The following RUNX3 variants were observed in gnomAD, a reference collection of about 807,000 sequenced individuals.
RUNX3 encodes RUNX family transcription factor 3, also known as runt-related transcription factor 3.
A neutral mutation model predicts 27.7 loss-of-function variants in RUNX3; 10 were observed. That is an observed-to-expected ratio of 0.36 (90% confidence interval 0.22 to 0.61). The LOEUF is 0.61. RUNX3 is among the 20% of genes least tolerant of loss of function. The pLI is 0.72. For missense variants in RUNX3, 469 were observed against 629.5 expected (o/e 0.75, Z 2.73); for synonymous variants, 270 against 269.2 (o/e 1.00, Z -0.03).
intron 2 of RUNX3, among the ~76,000 whole-genome samples, chr1:24,944,554 G>A (rs540107127): frequency 6.6e-6 from 1 of 152,330 alleles, no homozygotes; most frequent in South Asian, 2.1e-4. Flanking sequence ...AAGACTTTCA[G>A]ATGGGAGATT....
intron 4 of RUNX3, 98 bp downstream of exon 4, chr1:24,907,161 T>G: frequency 3.9e-6 from 5 of 1,281,748 alleles, no homozygotes; most frequent in East Asian, 2.5e-5. Context: ...GTGCAGTGAC[T>G]GATCTTCGGA....
chr1:24,929,991 C>T lies in RUNX3; in HGVS notation c.-123G>A. The T allele has an allele frequency of 8.6e-7, 1 of 1,162,914 alleles. No individual in the cohort carries two copies. The highest frequency in any genetic ancestry group is 1.1e-6 in the Non-Finnish European group (1 of 945,388). 72.0% of individuals were successfully genotyped at this position (1,162,914 alleles called of 1,614,324 possible). ...GCGGGAAAGCAGAAGCGGCGGGGCC[C>T]GGGCCTCAGGGCGCAGGGGGCGGCG... is the stretch of plus-strand genomic sequence containing the variant. On this transcript the variant is annotated 5_prime_UTR_variant, in exon 1 of 5. Coordinates refer to ENST00000308873, the MANE Select transcript of RUNX3 (RefSeq NM_004350.3).
chr1:24,916,114 TC>T lies in RUNX3; in HGVS notation c.544+3125del, dbSNP rs1640884178. ...GATCTACAGATTCCCAGTCCTTGGC[TC>T]CCAGGACCAGCCCCTACTCCCACTT... is the stretch of plus-strand genomic sequence containing the variant. On this transcript the variant is annotated intron_variant, in intron 3 of 4. Transcript: ENST00000308873. The surrounding 1 kb of genome is among the most constrained non-coding windows in gnomAD (Gnocchi z 4.8). Among the ~76,000 whole-genome samples, 1 of 151,950 alleles carries T rather than the reference TC, an allele frequency of 6.6e-6. No homozygotes were observed. The highest frequency in any genetic ancestry group is 1.9e-4 in the East Asian group (1 of 5,192).
chr1:24,956,580 CT>C (rs1397798225), intron 2 of RUNX3, among the ~76,000 whole-genome samples: 3 of 152,176 alleles, frequency 2.0e-5, no homozygotes, highest in South Asian at 2.1e-4. Flanking sequence ...TCCACCCCCC[CT>C]GGACCTAGCA....
chr1:24,937,642 T>C (rs1389709296), intron 2 of RUNX3, among the ~76,000 whole-genome samples: 4 of 152,248 alleles, frequency 2.6e-5, no homozygotes, highest in Non-Finnish European at 5.9e-5. Context: ...TTCTGCATTA[T>C]TTCATCTTCA....
chr1:24,936,031 T>C (rs1389344794), intron 2 of RUNX3, among the ~76,000 whole-genome samples: 1 of 152,210 alleles, frequency 6.6e-6, no homozygotes, highest in Admixed American at 6.5e-5. Context: ...AGCAGGTGCG[T>C]GCAGAGCTAC....
At chr1:24,950,998 G>C (rs543931235) in intron 2 of RUNX3, among the ~76,000 whole-genome samples, 11 of 152,222 alleles carry the variant, frequency 7.2e-5, no homozygotes, top group African/African-American at 2.6e-4. Flanking sequence ...ACGAGGTCAG[G>C]AGATTGAGAC....
intron 3 of RUNX3, among the ~76,000 whole-genome samples, chr1:24,915,292 C>T (rs768326273): frequency 4.6e-5 from 7 of 152,140 alleles, no homozygotes; most frequent in Non-Finnish European, 1.0e-4. Context: ...GGTGTGGTGG[C>T]GTGTGCCTGT....
chr1:24,959,414 C>T (rs923161298), intron 2 of RUNX3, among the ~76,000 whole-genome samples: 9 of 152,154 alleles, frequency 5.9e-5, no homozygotes, highest in Admixed American at 1.3e-4. Flanking sequence ...CCTCAGAAGC[C>T]GCCATCAAAG....
At chr1:24,911,621 T>C (rs1640797699) in intron 3 of RUNX3, among the ~76,000 whole-genome samples, 1 of 152,214 alleles carries the variant, frequency 6.6e-6, no homozygotes, top group Non-Finnish European at 1.5e-5. Context: ...ATCATCCCCA[T>C]GCTGGAGACC....
At chr1:24,952,333 C>G (rs1641787060) in intron 2 of RUNX3, among the ~76,000 whole-genome samples, 1 of 152,158 alleles carries the variant, frequency 6.6e-6, no homozygotes, top group Admixed American at 6.5e-5. Context: ...ATCATCTCAC[C>G]CCAAGAGATA....
chr1:24,946,526 G>A (rs142059784), intron 2 of RUNX3, among the ~76,000 whole-genome samples: 1,666 of 152,210 alleles, frequency 0.011, 13 homozygotes, highest in Middle Eastern at 0.034. Flanking sequence ...CAGGGGACAA[G>A]TGGCTGCTAG....
chr1:24,926,426 T>C (rs1641101210), intron 2 of RUNX3, among the ~76,000 whole-genome samples: 1 of 152,232 alleles, frequency 6.6e-6, no homozygotes, highest in East Asian at 1.9e-4. Context: ...CAGGAAATGT[T>C]TGAAAGAATG....
At chr1:24,908,841 CT>C (rs1640741752) in intron 3 of RUNX3, among the ~76,000 whole-genome samples, 1 of 152,208 alleles carries the variant, frequency 6.6e-6, no homozygotes, top group Non-Finnish European at 1.5e-5. Flanking sequence ...GGACTGCAGG[CT>C]TTTCCAGCCC....
rs1640555762 is a variant in RUNX3 at position 24,901,763 on chromosome 1, G to A, written c.*359C>T. 1 of 241,010 alleles carries A rather than the reference G, an allele frequency of 4.1e-6. No individual in the cohort carries two copies. The highest frequency in any genetic ancestry group is 8.0e-6 in the Non-Finnish European group (1 of 124,296). 14.9% of individuals were successfully genotyped at this position (241,010 alleles called of 1,614,324 possible). ...CAATGCTGCCTCTCTCTGGAAGAGA[G>A]ATGGCCTCTGTCCCAGGAGACATGG... On this transcript the variant is annotated 3_prime_UTR_variant, in exon 5 of 5. Coordinates refer to ENST00000308873, the MANE Select transcript of RUNX3 (RefSeq NM_004350.3).
At chr1:24,925,216 G>A (rs1641075956) in intron 2 of RUNX3, among the ~76,000 whole-genome samples, 1 of 152,102 alleles carries the variant, frequency 6.6e-6, no homozygotes, top group Non-Finnish European at 1.5e-5. Context: ...GATGGGCACT[G>A]CAGATGTGTG....
chr1:24,910,995 T>G (rs1031160522), intron 3 of RUNX3, among the ~76,000 whole-genome samples: 3 of 152,186 alleles, frequency 2.0e-5, no homozygotes, highest in African/African-American at 4.8e-5. Flanking sequence ...ACTGCTACCC[T>G]GAGGAGGGCA....
At chr1:24,914,374 C>T (rs1041887444) in intron 3 of RUNX3, among the ~76,000 whole-genome samples, 2 of 152,348 alleles carry the variant, frequency 1.3e-5, no homozygotes, top group South Asian at 2.1e-4. Flanking sequence ...GGTGGGGCGC[C>T]GGGCCCGAGG....
chr1:24,928,711 C>T (rs1641148413), intron 1 of RUNX3: 1 of 195,080 alleles, frequency 5.1e-6, no homozygotes, highest in Non-Finnish European at 1.1e-5. Context: ...GAGATTTCCC[C>T]CACTGGTATT....
Sources: allele counts gnomAD v4.1 joint callset (sites outside exome capture counted in the v4.1 genomes callset), GRCh38; gene constraint gnomAD v4.1.1; non-coding constraint Gnocchi (gnomAD v3.1); transcripts MANE v1.5; gene names NCBI Gene and HGNC (gene_info 2026-07-23, HGNC 2026-07-21).